The following PAK1IP1 variants were observed in gnomAD, a reference collection of about 807,000 sequenced individuals.
PAK1IP1 encodes PAK1 interacting protein 1.
In PAK1IP1, 24 loss-of-function variants were observed where a neutral mutation model predicts 42.0. The ratio of observed to expected loss-of-function variants is 0.57; its 90% CI spans 0.41 to 0.80. The LOEUF (loss-of-function observed/expected upper bound fraction) is 0.80, where lower values mean the gene tolerates loss of function less well. PAK1IP1 is among the 30% of genes least tolerant of loss of function. PAK1IP1 has a pLI of 0.00. For missense variants in PAK1IP1, 411 were observed against 467.9 expected, an observed-to-expected ratio of 0.88 and a Z score of 1.12; for synonymous variants, 154 against 156.7, an observed-to-expected ratio of 0.98 and a Z score of 0.13.
At chr6:10,707,631 G>A in intron 8 of PAK1IP1, 117 bp downstream of exon 8, 1 of 642,994 alleles carries the variant, frequency 1.6e-6, no homozygotes, top group Non-Finnish European at 2.8e-6. Context: ...TCTCTTCCAG[G>A]CATGATTGAT....
chr6:10,695,965 T>G (rs373776389), intron 1 of PAK1IP1, among the ~76,000 whole-genome samples: 3 of 135,206 alleles, frequency 2.2e-5, no homozygotes, highest in African/African-American at 1.1e-4. Context: ...GCTATTTAAT[T>G]TTTTTTTTTT....
At chr6:10,695,400 T>C (rs1197366440) in intron 1 of PAK1IP1, among the ~76,000 whole-genome samples, 1 of 152,162 alleles carries the variant, frequency 6.6e-6, no homozygotes, top group Non-Finnish European at 1.5e-5. Context: ...TGAAAGAAGA[T>C]CTCGCTCTTT....
chr6:10,694,184 C>T (rs1479902760), upstream of PAK1IP1, among the ~76,000 whole-genome samples: 3 of 148,554 alleles, frequency 2.0e-5, no homozygotes, highest in Admixed American at 6.7e-5. Flanking sequence ...TGCTTGAACC[C>T]GGGAGGCAGA....
intron 7 of PAK1IP1, among the ~76,000 whole-genome samples, chr6:10,706,960 T>A (rs1299471602): frequency 6.6e-6 from 1 of 151,006 alleles, no homozygotes; most frequent in Non-Finnish European, 1.5e-5. Flanking sequence ...GAAAGGCCAA[T>A]CAGGCTACTT....
At chr6:10,699,206 A>G (rs1209687656) in intron 2 of PAK1IP1, among the ~76,000 whole-genome samples, 1 of 150,808 alleles carries the variant, frequency 6.6e-6, no homozygotes, top group East Asian at 2.0e-4. Context: ...GTCTCAAAAA[A>G]AAAAAAAAAA....
upstream of PAK1IP1, chr6:10,694,705 T>G: frequency 2.9e-6 from 1 of 344,678 alleles, no homozygotes; most frequent in Non-Finnish European, 5.4e-6. Flanking sequence ...GCTGGCACCT[T>G]CCTGAGATAT....
intron 5 of PAK1IP1, among the ~76,000 whole-genome samples, chr6:10,703,970 G>C (rs564047083): frequency 6.6e-6 from 1 of 151,988 alleles, no homozygotes; most frequent in East Asian, 1.9e-4. Context: ...TTGTGGCTCT[G>C]CCACCTGCCT....
upstream of PAK1IP1, chr6:10,694,592 GCCCCTAAGCA>G: frequency 5.5e-6 from 1 of 180,834 alleles, no homozygotes; most frequent in Admixed American, 5.8e-5. Flanking sequence ...CGGCGCTACA[GCCCCTAAGCA>G]ACCGGCCGGA....
intron 8 of PAK1IP1, among the ~76,000 whole-genome samples, chr6:10,707,909 C>T (rs1770254780): frequency 6.6e-6 from 1 of 152,138 alleles, no homozygotes; most frequent in Admixed American, 6.6e-5. Context: ...CTGTAGTCTC[C>T]TTACAGTCTC....
chr6:10,701,454 A>T (rs1770024337), intron 2 of PAK1IP1, among the ~76,000 whole-genome samples: 2 of 152,218 alleles, frequency 1.3e-5, no homozygotes, highest in East Asian at 3.8e-4. Flanking sequence ...TGCAAAGGAC[A>T]TGATCTCATT....
At chr6:10,691,111 G>A (rs756396565), upstream of PAK1IP1, among the ~76,000 whole-genome samples, 3 of 152,134 alleles carry the variant, frequency 2.0e-5, no homozygotes, top group African/African-American at 4.8e-5. Context: ...CACTTCTCCA[G>A]ACATATCTCA....
At chr6:10,704,379 G>A (rs1770135374) in intron 5 of PAK1IP1, 128 bp from the exon 6 acceptor site, 2 of 634,976 alleles carry the variant, frequency 3.1e-6, no homozygotes, top group Admixed American at 3.3e-5. Flanking sequence ...CTTGTAAAAT[G>A]TGTTACGAAG....
At chr6:10,692,399 T>C (rs765778745), upstream of PAK1IP1, among the ~76,000 whole-genome samples, 3 of 152,204 alleles carry the variant, frequency 2.0e-5, no homozygotes, top group Non-Finnish European at 2.9e-5. Context: ...CCTAAAATAA[T>C]TTGATTTTTT....
Position 10,704,787 on chromosome 6 carries a change from G to A in PAK1IP1, c.683G>A (p.Arg228Lys), listed in dbSNP as rs1770149206. ...LAVAGDEEVI[R>K]FFDCDSLVCL... is the part of the protein sequence containing the mutation. ...GTGGCTGGAGATGAAGAAGTTATAA[G>A]GTTTTTTGACTGTGATTCACTAGTG... The change falls in exon 7 of 10, where the codon AGG becomes AAG. Residue 228 changes from arginine to lysine, a missense_variant. Physicochemically the swap from Arg to Lys is conservative, Grantham distance 26. Coordinates refer to ENST00000379568, the MANE Select transcript of PAK1IP1 (RefSeq NM_017906.3). 1 of 1,613,692 alleles carries A rather than the reference G, an allele frequency of 6.2e-7. No individual in the cohort carries two copies. The highest frequency in any genetic ancestry group is 8.5e-7 in the Non-Finnish European group (1 of 1,179,732).
At chr6:10,693,259 T>G (rs544007990), upstream of PAK1IP1, among the ~76,000 whole-genome samples, 31 of 152,350 alleles carry the variant, frequency 2.0e-4, no homozygotes, top group Non-Finnish European at 3.8e-4. Flanking sequence ...CTGCTTTTCC[T>G]TTGTTCAGGA....
In PAK1IP1 at chr6:10,704,555, T is replaced by C. The variant is rs770529700; in HGVS notation, c.545T>C (p.Ile182Thr). 34 of 1,593,036 alleles carry C rather than the reference T, an allele frequency of 2.1e-5. No homozygotes were observed. Among genetic ancestry groups the C allele is most frequent in the Non-Finnish European group, 2.8e-5 (32 of 1,162,366 alleles). Residue 182 changes from isoleucine to threonine, a missense_variant, in exon 6 of 10, where the codon ATC becomes ACC. Physicochemically the swap from Ile to Thr is moderately conservative, Grantham distance 89. Coordinates refer to ENST00000379568, the MANE Select transcript of PAK1IP1 (RefSeq NM_017906.3). ...CCAAGAGGAGAGCAGTATGTAGTTA[T>C]CATACAGAATAAAATAGACATCTAT... ...WSPRGEQYVV[I>T]IQNKIDIYQL...
At chr6:10,693,734 C>T (rs1769566658), upstream of PAK1IP1, among the ~76,000 whole-genome samples, 1 of 151,628 alleles carries the variant, frequency 6.6e-6, no homozygotes, top group African/African-American at 2.4e-5. Context: ...TTAAATAAAA[C>T]TTTTTTTTTC....
At chr6:10,702,305 A>G (rs1770052004) in intron 2 of PAK1IP1, 64 bp from the exon 3 acceptor site, 1 of 1,399,168 alleles carries the variant, frequency 7.1e-7, no homozygotes, top group Non-Finnish European at 1.0e-6. Flanking sequence ...CATAGCCTTC[A>G]AATCAGAAAT....
rs775377786 is a variant in PAK1IP1, at chr6:10,709,413, AAAG to A, written c.1145_1147del (p.Lys382del). 8.7e-6 allele frequency: 14 copies of A among 1,612,526 alleles called. No homozygotes were observed. Among genetic ancestry groups the A allele is most frequent in the African/African-American group, 1.3e-5 (1 of 74,792 alleles). On this transcript the variant is annotated inframe_deletion, in exon 10 of 10. Transcript: ENST00000379568. ...AGAGGAAAATGGTAGAAATGTTGGA[AAAG>A]AAGAGGAAAAAGAAGAAAATAAAAA... is the stretch of plus-strand genomic sequence containing the variant.
Sources: gnomAD v4.1 joint callset for allele counts (sites outside exome capture counted in the v4.1 genomes callset) on GRCh38, gnomAD v4.1.1 for gene constraint, MANE v1.5 for transcripts, NCBI Gene and HGNC (gene_info 2026-07-23, HGNC 2026-07-21) for gene names.